Variants in LRRC69 observed in about 807,000 individuals in gnomAD.
LRRC69 encodes leucine rich repeat containing 69, also known as leucine-rich repeat-containing protein 69.
A neutral mutation model predicts 37.8 loss-of-function variants in LRRC69; 42 were observed. The ratio of observed to expected loss-of-function variants is 1.11; its 90% CI spans 0.87 to 1.44. LRRC69 has a LOEUF of 1.44. Among genes scored for constraint, LRRC69 ranks in the 40% most tolerant of loss-of-function variants. The pLI, the probability that LRRC69 is intolerant of heterozygous loss-of-function variation, is 0.00. For missense variants in LRRC69, 357 were observed against 401.9 expected (o/e 0.89, Z 0.96); for synonymous variants, 141 against 143.1 (o/e 0.99, Z 0.11).
At chr8:91,218,763 A>G in intron 7 of LRRC69, 127 bp from the exon 8 acceptor site, 1 of 581,974 alleles carries the variant, frequency 1.7e-6, no homozygotes, top group South Asian at 2.6e-5. Context: ...GAGCAAATCA[A>G]GCATAAATAG....
intron 5 of LRRC69, among the ~76,000 whole-genome samples, chr8:91,151,378 C>A (rs1351366068): frequency 6.6e-6 from 1 of 151,472 alleles, no homozygotes; most frequent in Non-Finnish European, 1.5e-5. Flanking sequence ...TGTTCCGTTT[C>A]CATGTAGTTG....
intron 5 of LRRC69, among the ~76,000 whole-genome samples, chr8:91,176,525 A>G (rs1809233132): frequency 6.6e-6 from 1 of 152,166 alleles, no homozygotes; most frequent in South Asian, 2.1e-4. Context: ...CTTTCTCAAC[A>G]TATTTATTAT....
intron 5 of LRRC69, among the ~76,000 whole-genome samples, chr8:91,151,989 T>C (rs543661366): frequency 2.0e-4 from 30 of 150,936 alleles, no homozygotes; most frequent in African/African-American, 7.0e-4. Flanking sequence ...TTTTGATGTT[T>C]ATTTTTCTTG....
chr8:91,134,359 TGTG>T lies in LRRC69; in HGVS notation c.579+1062_579+1064del, dbSNP rs1047477405. Among the ~76,000 whole-genome samples, 6 of 151,602 alleles carry T rather than the reference TGTG, an allele frequency of 4.0e-5. No homozygotes were observed. In the South Asian group the frequency reaches 8.3e-4, roughly 21 times the overall value. On this transcript the variant is annotated intron_variant, in intron 4 of 7. Transcript: ENST00000448384. Reference sequence around the variant, plus strand: ...GTCAAAGGCCTGATTACTGGGAGGTTGTGGTGGTGGCTGGAGGGGAGGGGTACT... The same window carrying T: ...GTCAAAGGCCTGATTACTGGGAGGTTGTGGTGGCTGGAGGGGAGGGGTACT...
intron 6 of LRRC69, among the ~76,000 whole-genome samples, chr8:91,197,010 A>T (rs1216291650): frequency 1.3e-5 from 2 of 150,848 alleles, no homozygotes; most frequent in Non-Finnish European, 3.0e-5. Flanking sequence ...TGATGTACAG[A>T]TGGGTTTTTG....
At chr8:91,113,972 C>CAAAAAAAAAA (rs34806474) in intron 1 of LRRC69, among the ~76,000 whole-genome samples, 1 of 60,510 alleles carries the variant, frequency 1.7e-5, no homozygotes, top group African/African-American at 7.6e-5. Flanking sequence ...AGACTTGTCT[C>CAAAAAAAAAA]AAAAAAAAAA....
chr8:91,194,553 A>G (rs1387727814), intron 6 of LRRC69, among the ~76,000 whole-genome samples: 1 of 151,438 alleles, frequency 6.6e-6, no homozygotes, highest in Non-Finnish European at 1.5e-5. Context: ...CAGAGATTCA[A>G]CTTCTTCCTG....
At chr8:91,191,046 C>CA (rs1332238791) in intron 6 of LRRC69, among the ~76,000 whole-genome samples, 1 of 142,462 alleles carries the variant, frequency 7.0e-6, no homozygotes, top group Non-Finnish European at 1.5e-5. Flanking sequence ...CTCAAACCCC[C>CA]CCCCCCCCAA....
chr8:91,158,215 A>G, intron 5 of LRRC69: 2 of 1,599,464 alleles, frequency 1.3e-6, no homozygotes, highest in Middle Eastern at 3.3e-4. Flanking sequence ...CTTACTATTC[A>G]ACTGTGGATC....
At chr8:91,206,548 C>T (rs7845508) in intron 7 of LRRC69, 353,802 of 519,930 alleles carry the variant, frequency 0.68, 121,575 homozygotes, top group Middle Eastern at 0.75. Flanking sequence ...TCAGATTACT[C>T]GGAAACAGTT....
intron 5 of LRRC69, among the ~76,000 whole-genome samples, chr8:91,178,153 T>A (rs1009272915): frequency 6.6e-6 from 1 of 152,212 alleles, no homozygotes; most frequent in Non-Finnish European, 1.5e-5. Flanking sequence ...CGGCCTGTTT[T>A]CTGCTTTTCA....
At chr8:91,198,173 T>C (rs1186094119) in intron 6 of LRRC69, among the ~76,000 whole-genome samples, 2 of 152,162 alleles carry the variant, frequency 1.3e-5, no homozygotes, top group Admixed American at 1.3e-4. Flanking sequence ...AATAACTATA[T>C]TATAGAAAAA....
At chr8:91,190,752 C>A (rs1262789878) in intron 6 of LRRC69, among the ~76,000 whole-genome samples, 3 of 152,052 alleles carry the variant, frequency 2.0e-5, no homozygotes, top group Non-Finnish European at 4.4e-5. Flanking sequence ...GGCTTTTTAG[C>A]CTTTATAAAC....
At chr8:91,195,457 C>T (rs1458107448) in intron 6 of LRRC69, among the ~76,000 whole-genome samples, 1 of 151,836 alleles carries the variant, frequency 6.6e-6, no homozygotes. Flanking sequence ...TAAAGTCTCC[C>T]ATTATTAATG....
At chr8:91,171,505 G>A (rs1464601842) in intron 5 of LRRC69, among the ~76,000 whole-genome samples, 1 of 151,976 alleles carries the variant, frequency 6.6e-6, no homozygotes, top group African/African-American at 2.4e-5. Flanking sequence ...TACCTCATGG[G>A]CCAGATATGT....
chr8:91,218,408 C>T (rs1291443748), intron 7 of LRRC69, among the ~76,000 whole-genome samples: 3 of 151,968 alleles, frequency 2.0e-5, no homozygotes, highest in Admixed American at 6.6e-5. Context: ...TTGCCTGAGA[C>T]CCAGCCAGTG....
chr8:91,120,413 G>A (rs1813598613), intron 1 of LRRC69, among the ~76,000 whole-genome samples: 1 of 152,106 alleles, frequency 6.6e-6, no homozygotes, highest in African/African-American at 2.4e-5. Context: ...CTTCCCAGGA[G>A]TGAGGGAATC....
At chr8:91,106,645 C>A (rs2130472703) in intron 1 of LRRC69, among the ~76,000 whole-genome samples, 1 of 152,060 alleles carries the variant, frequency 6.6e-6, no homozygotes, top group Non-Finnish European at 1.5e-5. Flanking sequence ...TTGGAGGTTG[C>A]TTTCGGCTCT....
intron 5 of LRRC69, among the ~76,000 whole-genome samples, chr8:91,170,212 C>A (rs1809103107): frequency 8.7e-6 from 1 of 114,468 alleles, no homozygotes; most frequent in Non-Finnish European, 1.8e-5. Flanking sequence ...TAATGATCGC[C>A]ATTCTAACTG....
Sources: gnomAD v4.1 joint callset for allele counts (sites outside exome capture counted in the v4.1 genomes callset) on GRCh38, gnomAD v4.1.1 for gene constraint, MANE v1.5 for transcripts, NCBI Gene and HGNC (gene_info 2026-07-23, HGNC 2026-07-21) for gene names.